The following OCA2 variants were observed in gnomAD, a reference collection of about 807,000 sequenced individuals.
OCA2 encodes OCA2 melanosomal transmembrane protein.
In OCA2, 77 loss-of-function variants were observed where a neutral mutation model predicts 100.2. That is an observed-to-expected ratio of 0.77 (90% CI 0.64 to 0.93). The LOEUF (loss-of-function observed/expected upper bound fraction) is 0.93, where lower values mean the gene tolerates loss of function less well. Ranked by LOEUF, OCA2 falls within the 40% of genes least tolerant of loss-of-function variation. OCA2 has a pLI of 0.00. For synonymous variants in OCA2, 432 were observed against 439.2 expected, an observed-to-expected ratio of 0.98 and a Z score of 0.21; for missense variants, 1,062 against 1,089.1, an observed-to-expected ratio of 0.98 and a Z score of 0.35.
intron 7 of OCA2, among the ~76,000 whole-genome samples, chr15:28,017,844 G>A (rs575552696): frequency 3.3e-5 from 5 of 152,284 alleles, no homozygotes; most frequent in African/African-American, 4.8e-5. Context: ...TCAGGCTTGC[G>A]TGGAAGGAGC....
chr15:27,777,912 T>C (rs1449598987), intron 23 of OCA2, among the ~76,000 whole-genome samples: 1 of 152,178 alleles, frequency 6.6e-6, no homozygotes, highest in Non-Finnish European at 1.5e-5. Flanking sequence ...CAGACAGAGG[T>C]ACTCGTGACT....
chr15:27,805,885 A>G (rs1391626), intron 23 of OCA2, among the ~76,000 whole-genome samples: 105,205 of 152,138 alleles, frequency 0.69, 37,214 homozygotes, highest in East Asian at 1. Context: ...GCCACAGGGC[A>G]GGGGAGCCTG....
chr15:28,092,748 T>C (rs2044892033), intron 1 of OCA2, among the ~76,000 whole-genome samples: 1 of 151,972 alleles, frequency 6.6e-6, no homozygotes, highest in African/African-American at 2.4e-5. Flanking sequence ...AGAAGAAAAA[T>C]CACATGGTGA....
At chr15:27,805,558 GCAGCTGCC>G (rs2033803093) in intron 23 of OCA2, among the ~76,000 whole-genome samples, 1 of 152,214 alleles carries the variant, frequency 6.6e-6, no homozygotes, top group Non-Finnish European at 1.5e-5. Context: ...CCAGGATGTG[GCAGCTGCC>G]CGGGTGTTGG....
chr15:27,925,562 TG>T (rs2039013289), intron 19 of OCA2, among the ~76,000 whole-genome samples: 2 of 152,286 alleles, frequency 1.3e-5, no homozygotes, highest in South Asian at 4.1e-4. Flanking sequence ...CATGTTAAAT[TG>T]AAGAAATGCA....
At chr15:27,757,767 C>T (rs1489483924) in intron 23 of OCA2, among the ~76,000 whole-genome samples, 2 of 152,170 alleles carry the variant, frequency 1.3e-5, no homozygotes, top group Non-Finnish European at 2.9e-5. Context: ...ACATAATGAG[C>T]CCTCAACAAG....
chr15:27,896,935 A>G (rs2037718976), intron 19 of OCA2, among the ~76,000 whole-genome samples: 1 of 152,154 alleles, frequency 6.6e-6, no homozygotes, highest in South Asian at 2.1e-4. Flanking sequence ...TCACGCCTAT[A>G]ATCCCAGCAC....
At chr15:27,789,174 G>T (rs1280625531) in intron 23 of OCA2, among the ~76,000 whole-genome samples, 1 of 124,160 alleles carries the variant, frequency 8.1e-6, no homozygotes, top group Non-Finnish European at 1.6e-5. Context: ...CTATATAGAT[G>T]TATATATACC....
At chr15:27,948,544 C>T (rs1210545713) in intron 18 of OCA2, among the ~76,000 whole-genome samples, 2 of 152,162 alleles carry the variant, frequency 1.3e-5, no homozygotes, top group Admixed American at 1.3e-4. Context: ...CAGCTCACTA[C>T]AACCTCCACC....
chr15:27,722,780 T>TTC, the OCA2 span, among the ~76,000 whole-genome samples: 42,723 of 134,034 alleles, frequency 0.32, 7,025 homozygotes, highest in East Asian at 0.48. Context: ...TTTTCTTTCT[T>TTC]TCTCTCTCTC....
At chr15:27,904,303 T>G (rs1005258343) in intron 19 of OCA2, among the ~76,000 whole-genome samples, 1 of 152,170 alleles carries the variant, frequency 6.6e-6, no homozygotes, top group Non-Finnish European at 1.5e-5. Context: ...TGAGCAGTGC[T>G]GTTGGCTGGG....
In OCA2 at chr15:27,985,182, G is replaced by A. The variant is rs756482913; in HGVS notation, c.1246C>T (p.Arg416Trp). The A allele has an allele frequency of 1.2e-5, 19 of 1,613,570 alleles. No individual in the cohort carries two copies. The highest frequency in any genetic ancestry group is 3.3e-5 in the Admixed American group (2 of 59,998). The change falls in exon 13 of 24, where the codon CGG becomes TGG. Residue 416 changes from arginine to tryptophan, a missense_variant. Physicochemically the swap from Arg to Trp is moderately radical, Grantham distance 101 (BLOSUM62 -3). Coordinates refer to ENST00000354638, the MANE Select transcript of OCA2 (RefSeq NM_000275.3). ...FFDYCAVKAY[R>W]LSRGRVWAMI... ...GCCCACACCCGTCCCCGGGAGAGCC[G>A]GTATGCCTGGCCACACACACACAGA...
chr15:28,056,005 G>T (rs1566847296), intron 2 of OCA2, among the ~76,000 whole-genome samples: 1 of 152,118 alleles, frequency 6.6e-6, no homozygotes, highest in Non-Finnish European at 1.5e-5. Context: ...ACACAAGAGG[G>T]CAGAGACCCA....
chr15:27,989,741 C>T (rs558941952), intron 10 of OCA2, 75 bp from the exon 11 acceptor site: 1 of 1,357,308 alleles, frequency 7.4e-7, no homozygotes, highest in Admixed American at 1.8e-5. Context: ...AAGCGCTGCC[C>T]CCTGCTGCAG....
chr15:27,926,514 AC>A (rs1286528458), intron 18 of OCA2, among the ~76,000 whole-genome samples: 2 of 152,044 alleles, frequency 1.3e-5, no homozygotes, highest in African/African-American at 4.8e-5. Flanking sequence ...CCTCTTGTCA[AC>A]CCCCACACTC....
chr15:27,980,963 C>T (rs184248703), intron 14 of OCA2, among the ~76,000 whole-genome samples: 5 of 152,218 alleles, frequency 3.3e-5, no homozygotes, highest in African/African-American at 7.2e-5. Context: ...TGCCTTTTTC[C>T]GTTCCCCTCT....
chr15:27,881,813 A>G (rs896460476), intron 19 of OCA2, among the ~76,000 whole-genome samples: 4 of 152,076 alleles, frequency 2.6e-5, no homozygotes, highest in Non-Finnish European at 4.4e-5. Flanking sequence ...GATTCTTTCA[A>G]AATACCAACT....
At chr15:27,928,406 T>C (rs1055485786) in intron 18 of OCA2, among the ~76,000 whole-genome samples, 1 of 152,124 alleles carries the variant, frequency 6.6e-6, no homozygotes, top group Admixed American at 6.5e-5. Flanking sequence ...GGCATGACTA[T>C]AGATGCTATA....
chr15:27,897,204 A>G (rs2037738936), intron 19 of OCA2, among the ~76,000 whole-genome samples: 1 of 147,742 alleles, frequency 6.8e-6, no homozygotes. Context: ...AAAAAAAAAA[A>G]GAAATCTTCT....
Sources: allele counts gnomAD v4.1 joint callset (sites outside exome capture counted in the v4.1 genomes callset), GRCh38; gene constraint gnomAD v4.1.1; transcripts MANE v1.5; gene names NCBI Gene and HGNC (gene_info 2026-07-23, HGNC 2026-07-21).